The following RPS6KA6 variants were observed in gnomAD, a reference collection of about 807,000 sequenced individuals.
RPS6KA6 encodes the protein ribosomal protein S6 kinase alpha-6.
In RPS6KA6, 27 loss-of-function variants were observed where a neutral mutation model predicts 65.4. The ratio of observed to expected loss-of-function variants is 0.41; its 90% confidence interval spans 0.30 to 0.57. The LOEUF is 0.57. Among genes scored for constraint, RPS6KA6 ranks in the 20% least tolerant of loss-of-function variants. The probability of loss-of-function intolerance (pLI) is 0.24; values close to 1 mark genes in which losing one functional copy is unlikely to be tolerated. For synonymous variants in RPS6KA6, 190 were observed against 184.2 expected (o/e 1.03, Z -0.26); for missense variants, 486 against 555.6 (o/e 0.87, Z 1.26).
Position 84,061,323 on chromosome X carries a change from C to A in RPS6KA6, c.*2954G>T, listed in dbSNP as rs1034149395. 2 of 111,889 alleles carry A rather than the reference C, an allele frequency of 1.8e-5. No homozygotes were observed. The highest frequency in any genetic ancestry group is 3.2e-5 in the African/African-American group (1 of 30,794). The allele number at this position is 111,889 out of a possible 1,213,427, so 9.2% of individuals were successfully genotyped here. ...TCCAATGGGCAGACATTATAAATACCAAGCATCTGTTCTTAAGGTTGTGGG... is the reference window on the plus strand; with the variant it reads ...TCCAATGGGCAGACATTATAAATACAAAGCATCTGTTCTTAAGGTTGTGGG... On this transcript the variant is annotated 3_prime_UTR_variant, in exon 22 of 22. Transcript: ENST00000262752.
chrX:84,137,411 A>G (rs1025110435), intron 6 of RPS6KA6, among the ~76,000 whole-genome samples: 1 of 111,865 alleles, frequency 8.9e-6, no homozygotes, highest in Non-Finnish European at 1.9e-5. Context: ...TAACTCTGCA[A>G]TATGCATATG....
At chrX:84,132,252 G>A (rs888316506) in intron 8 of RPS6KA6, among the ~76,000 whole-genome samples, 13 of 110,422 alleles carry the variant, frequency 1.2e-4, no homozygotes, top group East Asian at 2.8e-4. Flanking sequence ...GCAAGACTCC[G>A]TCGCCACACA....
At chrX:84,109,990 A>C (rs1480867061) in intron 12 of RPS6KA6, among the ~76,000 whole-genome samples, 4 of 111,421 alleles carry the variant, frequency 3.6e-5, no homozygotes, top group African/African-American at 1.3e-4. Context: ...GTGTGTGCTA[A>C]AAAGTGGAGC....
At chrX:84,081,830 A>G (rs965261817) in intron 20 of RPS6KA6, among the ~76,000 whole-genome samples, 2 of 112,237 alleles carry the variant, frequency 1.8e-5, no homozygotes, top group Non-Finnish European at 3.8e-5. Context: ...CATAAACAGA[A>G]CCAATGACAA....
chrX:84,098,041 T>C (rs765108600), intron 18 of RPS6KA6, among the ~76,000 whole-genome samples, 193 bp from the exon 19 acceptor site: 14 of 111,142 alleles, frequency 1.3e-4, no homozygotes, highest in East Asian at 5.6e-4. Context: ...AAACCAGATA[T>C]AGAGAAATCT....
chrX:84,090,611 G>A (rs1433693350), intron 20 of RPS6KA6, among the ~76,000 whole-genome samples: 1 of 111,760 alleles, frequency 8.9e-6, no homozygotes, highest in Non-Finnish European at 1.9e-5. Flanking sequence ...AAGGAAGTCA[G>A]GAAGGGGAAT....
chrX:84,106,091 A>G (rs780640837), intron 15 of RPS6KA6, among the ~76,000 whole-genome samples: 1 of 111,883 alleles, frequency 8.9e-6, no homozygotes, highest in Non-Finnish European at 1.9e-5. Flanking sequence ...AATTGTACCA[A>G]TGATGACGTG....
At chrX:84,128,496 A>G (rs1034974898) in intron 8 of RPS6KA6, among the ~76,000 whole-genome samples, 1 of 111,321 alleles carries the variant, frequency 9.0e-6, no homozygotes, top group African/African-American at 3.3e-5. Flanking sequence ...ACAGAAATAG[A>G]AAAAAAAGTC....
At chrX:84,152,284 C>T (rs996219999) in intron 3 of RPS6KA6, among the ~76,000 whole-genome samples, 5 of 110,658 alleles carry the variant, frequency 4.5e-5, no homozygotes, top group African/African-American at 1.6e-4. Context: ...CCAAAATCAA[C>T]TACAAAAGTA....
chrX:84,139,774 C>T (rs768658449), intron 6 of RPS6KA6, among the ~76,000 whole-genome samples: 30 of 112,194 alleles, frequency 2.7e-4, no homozygotes, highest in African/African-American at 9.7e-4. Flanking sequence ...CAGGACAAAA[C>T]GTATGAAATG....
chrX:84,146,078 G>T (rs896487160), intron 5 of RPS6KA6, among the ~76,000 whole-genome samples: 1 of 110,836 alleles, frequency 9.0e-6, no homozygotes, highest in South Asian at 3.7e-4. Context: ...TTCTCTATAG[G>T]TTATAAATTT....
intron 20 of RPS6KA6, among the ~76,000 whole-genome samples, chrX:84,074,074 A>G (rs2033607383): frequency 8.9e-6 from 1 of 112,223 alleles, no homozygotes; most frequent in Non-Finnish European, 1.9e-5. Context: ...CTGCACTCCT[A>G]TATTTACTGC....
chrX:84,128,428 T>C (rs2034835737), intron 8 of RPS6KA6, among the ~76,000 whole-genome samples: 1 of 111,294 alleles, frequency 9.0e-6, no homozygotes, highest in Non-Finnish European at 1.9e-5. Context: ...TTGTCCATAC[T>C]ACCCAAAGCA....
In RPS6KA6 at chrX:84,072,801, C is replaced by A. The variant is rs199641369; in HGVS notation, c.1972-7690G>T. ...AGAAAGCAATTCCATTTAGGAGCTGCAAAAAAATAGAGAGGAATAAATTTA... is the reference window on the plus strand; with the variant it reads ...AGAAAGCAATTCCATTTAGGAGCTGAAAAAAAATAGAGAGGAATAAATTTA... On this transcript the variant is annotated intron_variant, in intron 20 of 21. Coordinates refer to ENST00000262752, the MANE Select transcript of RPS6KA6 (RefSeq NM_014496.5). Among the ~76,000 whole-genome samples the A allele has an allele frequency of 2.7e-5, 3 of 110,239 alleles. No individual in the cohort carries two copies. The East Asian group carries it at 8.5e-4, about 31-fold the overall frequency.
At chrX:84,184,102 T>G (rs2035896054) in intron 1 of RPS6KA6, among the ~76,000 whole-genome samples, 1 of 112,401 alleles carries the variant, frequency 8.9e-6, no homozygotes, top group African/African-American at 3.2e-5. Context: ...TAAATGAAAT[T>G]ATCTGTCTCT....
At chrX:84,104,690 T>C (rs374547106) in intron 16 of RPS6KA6, 33 bp from the exon 17 acceptor site, 482 of 875,572 alleles carry the variant, frequency 5.5e-4, no homozygotes, top group Non-Finnish European at 6.8e-4. Context: ...AATGTTATTA[T>C]TTATAATTAC....
intron 20 of RPS6KA6, among the ~76,000 whole-genome samples, chrX:84,072,681 A>G (rs1227580850): frequency 8.9e-6 from 1 of 112,149 alleles, no homozygotes; most frequent in Non-Finnish European, 1.9e-5. Context: ...TGTTAGAATA[A>G]ACAAAGTGCA....
intron 12 of RPS6KA6, 78 bp from the exon 13 acceptor site, chrX:84,107,803 T>C: frequency 2.0e-6 from 1 of 499,213 alleles, no homozygotes; most frequent in Non-Finnish European, 3.3e-6. Flanking sequence ...AAGCAGAACA[T>C]AATATTCACA....
intron 7 of RPS6KA6, 46 bp downstream of exon 7, chrX:84,135,058 G>A: frequency 2.1e-6 from 2 of 937,719 alleles, no homozygotes; most frequent in Non-Finnish European, 3.0e-6. Context: ...ACAAAAAGCA[G>A]TTCCAGAAAT....
Sources: gnomAD v4.1 joint callset for allele counts (sites outside exome capture counted in the v4.1 genomes callset) on GRCh38, gnomAD v4.1.1 for gene constraint, MANE v1.5 for transcripts, NCBI Gene and HGNC (gene_info 2026-07-23, HGNC 2026-07-21) for gene names.